COLGALT2: variants seen among roughly 807,000 people sequenced by gnomAD.
The protein encoded by COLGALT2 is procollagen galactosyltransferase 2.
A neutral mutation model predicts 73.4 loss-of-function variants in COLGALT2; 49 were observed. The ratio of observed to expected loss-of-function variants is 0.67; its 90% confidence interval spans 0.53 to 0.85. COLGALT2 has a LOEUF of 0.85. Ranked by LOEUF, COLGALT2 falls within the 40% of genes least tolerant of loss-of-function variation. COLGALT2 has a pLI of 0.00. For synonymous variants in COLGALT2, 295 were observed against 307.6 expected (o/e 0.96, Z 0.43); for missense variants, 722 against 790.2 (o/e 0.91, Z 1.03).
chr1:183,996,902 G>C (rs1671784016), intron 1 of COLGALT2, among the ~76,000 whole-genome samples: 1 of 152,196 alleles, frequency 6.6e-6, no homozygotes, highest in Non-Finnish European at 1.5e-5. Flanking sequence ...TAACTACTTA[G>C]GCTTTTTTAC....
At chr1:183,971,951 C>T (rs1671049003) in intron 4 of COLGALT2, among the ~76,000 whole-genome samples, 1 of 152,116 alleles carries the variant, frequency 6.6e-6, no homozygotes, top group South Asian at 2.1e-4. Context: ...GTATTTAAAC[C>T]ATAAAAATTG....
chr1:183,990,700 A>G (rs1671607257), intron 1 of COLGALT2, among the ~76,000 whole-genome samples: 1 of 152,250 alleles, frequency 6.6e-6, no homozygotes, highest in Admixed American at 6.5e-5. Context: ...AAGGAACAAC[A>G]TATGTGGAGG....
chr1:184,026,851 T>G (rs958811197), intron 1 of COLGALT2, among the ~76,000 whole-genome samples: 10 of 151,762 alleles, frequency 6.6e-5, no homozygotes, highest in African/African-American at 2.4e-4. Context: ...AGAAATGCAC[T>G]GGTTTGATTT....
intron 1 of COLGALT2, among the ~76,000 whole-genome samples, chr1:184,033,613 A>G (rs1282747155): frequency 6.6e-6 from 1 of 152,258 alleles, no homozygotes; most frequent in Non-Finnish European, 1.5e-5. Context: ...ATGCTGACTG[A>G]GATAACTGCA....
chr1:183,933,358 C>T (rs559319112), downstream of COLGALT2, among the ~76,000 whole-genome samples: 18 of 152,340 alleles, frequency 1.2e-4, 1 homozygote, highest in South Asian at 2.7e-3. Context: ...CCTCTCCCCT[C>T]GGATTCTCAA....
At chr1:183,967,122 C>G (rs1035639414) in intron 5 of COLGALT2, among the ~76,000 whole-genome samples, 3 of 152,228 alleles carry the variant, frequency 2.0e-5, no homozygotes, top group Admixed American at 6.5e-5. Flanking sequence ...TCATGTTTCT[C>G]TTGAAAATAC....
intron 3 of COLGALT2, among the ~76,000 whole-genome samples, chr1:183,974,117 C>G (rs1267102754): frequency 6.6e-6 from 1 of 152,204 alleles, no homozygotes; most frequent in Non-Finnish European, 1.5e-5. Context: ...AGTCTAGGTA[C>G]AGATGGGCAT....
chr1:183,955,269 G>T (rs76963781), intron 6 of COLGALT2, among the ~76,000 whole-genome samples: 5,120 of 152,224 alleles, frequency 0.034, 99 homozygotes, highest in East Asian at 0.061. Flanking sequence ...TGAGACCTGC[G>T]TGCAAAGCAC....
intron 8 of COLGALT2, among the ~76,000 whole-genome samples, chr1:183,950,035 A>T (rs1419477329): frequency 6.6e-6 from 1 of 152,230 alleles, no homozygotes; most frequent in Non-Finnish European, 1.5e-5. Context: ...TAAGTTTCAG[A>T]TAAATAATGG....
intron 1 of COLGALT2, among the ~76,000 whole-genome samples, chr1:183,995,869 C>T (rs545779115): frequency 1.3e-5 from 2 of 152,146 alleles, no homozygotes; most frequent in South Asian, 2.1e-4. Flanking sequence ...TTAAAAATTA[C>T]GTATACCCCA....
intron 8 of COLGALT2, among the ~76,000 whole-genome samples, chr1:183,949,575 T>A (rs984764680): frequency 1.3e-5 from 2 of 152,160 alleles, no homozygotes; most frequent in Non-Finnish European, 1.5e-5. Flanking sequence ...TACAAAAATT[T>A]ACTCAACATA....
chr1:183,987,776 G>T (rs1454367570), intron 1 of COLGALT2, among the ~76,000 whole-genome samples: 1 of 152,216 alleles, frequency 6.6e-6, no homozygotes, highest in Non-Finnish European at 1.5e-5. Context: ...GTGAAAGGAG[G>T]ACTGTTGAGA....
intron 1 of COLGALT2, among the ~76,000 whole-genome samples, chr1:184,030,169 C>A (rs1171325674): frequency 6.6e-6 from 1 of 151,996 alleles, no homozygotes; most frequent in Admixed American, 6.5e-5. Flanking sequence ...CATAAAGACC[C>A]TAAGGGATTC....
At chr1:184,007,306 T>G (rs981176671) in intron 1 of COLGALT2, among the ~76,000 whole-genome samples, 4 of 152,222 alleles carry the variant, frequency 2.6e-5, no homozygotes, top group African/African-American at 9.7e-5. Context: ...TTTATTTCTT[T>G]TATTATTGTA....
downstream of COLGALT2, among the ~76,000 whole-genome samples, chr1:183,931,437 A>G (rs1669841509): frequency 6.6e-6 from 1 of 152,168 alleles, no homozygotes; most frequent in Non-Finnish European, 1.5e-5. Flanking sequence ...AATGGCCAAA[A>G]AGATGATTAT....
At chr1:184,031,211 A>G (rs761725991) in intron 1 of COLGALT2, among the ~76,000 whole-genome samples, 2 of 152,246 alleles carry the variant, frequency 1.3e-5, no homozygotes, top group Admixed American at 6.5e-5. Context: ...TATTTTACCA[A>G]TATGAACTGA....
chr1:183,944,373 AT>A, intron 9 of COLGALT2, 50 bp from the exon 10 acceptor site: 1 of 1,570,538 alleles, frequency 6.4e-7, no homozygotes, highest in Non-Finnish European at 8.6e-7. Context: ...TTGAAACCCA[AT>A]TTTTATTAGA....
intron 1 of COLGALT2, among the ~76,000 whole-genome samples, chr1:184,020,355 G>A (rs192978459): frequency 3.6e-3 from 541 of 152,204 alleles, no homozygotes; most frequent in Non-Finnish European, 5.0e-3. Context: ...GAATTAAAAT[G>A]AAAAAATACT....
intron 1 of COLGALT2, among the ~76,000 whole-genome samples, chr1:183,996,938 C>T (rs10911484): frequency 0.088 from 13,374 of 152,174 alleles, 971 homozygotes; most frequent in East Asian, 0.41. Flanking sequence ...GAAAGAATTT[C>T]GATGGTATAG....
Sources: gnomAD v4.1 joint callset for allele counts (sites outside exome capture counted in the v4.1 genomes callset) on GRCh38, gnomAD v4.1.1 for gene constraint, MANE v1.5 for transcripts, NCBI Gene and HGNC (gene_info 2026-07-23, HGNC 2026-07-21) for gene names.